STK24: variants seen among roughly 807,000 people sequenced by gnomAD.
The protein encoded by STK24 is serine/threonine-protein kinase 24.
A neutral mutation model predicts 55.6 loss-of-function variants in STK24; 21 were observed. That is an observed-to-expected ratio of 0.38 (90% CI 0.27 to 0.54). The LOEUF (loss-of-function observed/expected upper bound fraction) is 0.54. Among genes scored for constraint, STK24 ranks in the 20% least tolerant of loss-of-function variants. STK24 has a pLI of 0.79. For missense variants in STK24, 383 were observed against 538.4 expected (o/e 0.71, Z 2.86); for synonymous variants, 200 against 215.2 (o/e 0.93, Z 0.62).
intron 1 of STK24, among the ~76,000 whole-genome samples, chr13:98,560,250 C>T (rs1484538030): frequency 5.3e-5 from 8 of 152,214 alleles, no homozygotes; most frequent in African/African-American, 1.4e-4. Flanking sequence ...CGCTGCTCAA[C>T]GCTATGGCTC....
intron 1 of STK24, chr13:98,576,179 C>A (rs572905371): frequency 1.0e-6 from 1 of 985,372 alleles, no homozygotes; most frequent in Non-Finnish European, 1.2e-6. Context: ...CCGGGCAAAG[C>A]CACTGCAAGT....
rs1269582506 is a variant in STK24, at chr13:98,451,949, A to G, written c.*1224T>C. 1.3e-5 allele frequency: 2 copies of G among 151,818 alleles called. No individual in the cohort carries two copies. Among genetic ancestry groups the G allele is most frequent in the African/African-American group, 4.8e-5 (2 of 41,252 alleles). The allele number at this position is 151,818 out of a possible 1,614,324, so 9.4% of individuals were successfully genotyped here. ...GCTACAGCAATCGCACAGATCAGCAACCTCCAACTGCATCATCTCGGTGAG... is the reference window on the plus strand; with the variant it reads ...GCTACAGCAATCGCACAGATCAGCAGCCTCCAACTGCATCATCTCGGTGAG... On this transcript the variant is annotated 3_prime_UTR_variant, in exon 11 of 11. Transcript: ENST00000539966.
At chr13:98,495,317 C>T (rs965134645) in intron 2 of STK24, among the ~76,000 whole-genome samples, 4 of 152,134 alleles carry the variant, frequency 2.6e-5, no homozygotes, top group Non-Finnish European at 5.9e-5. Flanking sequence ...TTGTATCATG[C>T]CACATTGTAG....
rs751116507 is a variant in STK24 at position 98,446,824 on chromosome 13, A to G, written c.*6349T>C. 8 of 1,613,560 alleles carry G rather than the reference A, an allele frequency of 5.0e-6. No homozygotes were observed. Among genetic ancestry groups the G allele is most frequent in the Admixed American group, 3.3e-5 (2 of 59,966 alleles). On this transcript the variant is annotated 3_prime_UTR_variant, in exon 11 of 11. Coordinates refer to ENST00000539966, the MANE Select transcript of STK24 (RefSeq NM_001032296.4). ...GCGAGTACACGTTCGAAAGGTAGAC[A>G]CCCCCTTCCCACGCACAGGGCCCTG...
intron 3 of STK24, among the ~76,000 whole-genome samples, chr13:98,475,565 C>G (rs1396972814): frequency 6.7e-6 from 1 of 149,342 alleles, no homozygotes; most frequent in Non-Finnish European, 1.5e-5. Flanking sequence ...TGGCTTTGCT[C>G]AATGAAGCCA....
At chr13:98,478,392 C>T (rs573911915) in intron 3 of STK24, among the ~76,000 whole-genome samples, 1 of 152,374 alleles carries the variant, frequency 6.6e-6, no homozygotes, top group East Asian at 1.9e-4. Flanking sequence ...GGTCAGGTGA[C>T]TAAGACCTCG....
At chr13:98,482,965 T>C (rs560881562) in intron 2 of STK24, among the ~76,000 whole-genome samples, 1 of 152,348 alleles carries the variant, frequency 6.6e-6, no homozygotes, top group African/African-American at 2.4e-5. Flanking sequence ...CTGTGTCCTC[T>C]CAAGGCCCCG....
intron 1 of STK24, among the ~76,000 whole-genome samples, chr13:98,526,143 T>C (rs1363148511): frequency 6.6e-6 from 1 of 152,198 alleles, no homozygotes; most frequent in Non-Finnish European, 1.5e-5. Context: ...GGTCCGTCTT[T>C]GCTTTTTCTG....
At chr13:98,551,165 A>G (rs1456722234) in intron 1 of STK24, among the ~76,000 whole-genome samples, 2 of 151,982 alleles carry the variant, frequency 1.3e-5, no homozygotes, top group South Asian at 2.1e-4. Context: ...GGGCGCCTGT[A>G]GTCCCAGCTA....
rs773250947 is a variant in STK24 at position 98,463,753 on chromosome 13, G to C, written c.867C>G (p.Asp289Glu). The change falls in exon 7 of 11, where the codon GAC (aspartate) becomes GAG (glutamate). Residue 289 changes from aspartate to glutamate, a missense_variant. Asp to Glu is a conservative substitution (Grantham distance 45, BLOSUM62 2). Transcript: ENST00000539966. ...GCTCGGCCTTCCATCTCTTGTACCT[G>C]TCGATGAGCTCGGTCAAGTAGGAAG... is the stretch of plus-strand genomic sequence containing the variant. ...KKTSYLTELI[D>E]RYKRWKAEQS... 6.2e-7 allele frequency: 1 copy of C among 1,614,214 alleles called. No homozygotes were observed. The highest frequency in any genetic ancestry group is 1.1e-5 in the South Asian group (1 of 91,088).
chr13:98,446,910 C>A lies in STK24; in HGVS notation c.*6263G>T. ...CTCCCAAGTCAGCGAGTGAGATGGC[C>A]CCACCCTTCCCTGCCAACTAAGCGT... On this transcript the variant is annotated 3_prime_UTR_variant, in exon 11 of 11. Transcript: ENST00000539966. 1.5e-6 allele frequency: 2 copies of A among 1,336,380 alleles called. No individual in the cohort carries two copies. The highest frequency in any genetic ancestry group is 2.1e-6 in the Non-Finnish European group (2 of 949,852). The allele number at this position is 1,336,380 out of a possible 1,614,324, so 82.8% of individuals were successfully genotyped here.
intron 1 of STK24, among the ~76,000 whole-genome samples, chr13:98,537,422 A>AAC (rs1477801576): frequency 6.6e-5 from 10 of 152,224 alleles, no homozygotes; most frequent in Non-Finnish European, 1.3e-4. Flanking sequence ...GGGAGACCTC[A>AAC]ACCCCATCAG....
intron 1 of STK24, among the ~76,000 whole-genome samples, chr13:98,530,008 C>T (rs1278198330): frequency 2.6e-5 from 4 of 151,984 alleles, no homozygotes; most frequent in South Asian, 2.1e-4. Flanking sequence ...AGAAGGAAGC[C>T]GATGTTAGAC....
intron 1 of STK24, 124 bp downstream of exon 1, chr13:98,576,621 G>T (rs1298367944): frequency 5.4e-6 from 4 of 744,982 alleles, no homozygotes; most frequent in Non-Finnish European, 5.7e-6. Flanking sequence ...AGCCGGGCGC[G>T]CGGGGAGCCA....
Position 98,544,084 on chromosome 13 carries a change from C to T in STK24, c.43-24611G>A, listed in dbSNP as rs566400104. 3.3e-5 allele frequency among the ~76,000 whole-genome samples: 5 copies of T among 152,268 alleles called. No individual in the cohort carries two copies. The East Asian group carries it at 9.6e-4, about 29-fold the overall frequency. ...GTGCATTTACGTTAGGCTGCTGTGG[C>T]CCACGCTGAAGTTAATAAAGGAAGG... On this transcript the variant is annotated intron_variant, in intron 1 of 10. Coordinates refer to ENST00000539966, the MANE Select transcript of STK24 (RefSeq NM_001032296.4).
chr13:98,446,205 G>GGTAA lies in STK24; in HGVS notation c.*6964_*6967dup, dbSNP rs768648743. ...GCCTGTTCTTCTACAAATCACACCA[G>GGTAA]GTAAGTGTCTCGCACAGGGCAGGTG... On this transcript the variant is annotated 3_prime_UTR_variant, in exon 11 of 11. Transcript: ENST00000539966. 7.5e-6 allele frequency: 12 copies of GGTAA among 1,607,930 alleles called. No homozygotes were observed. In the African/African-American group the frequency reaches 8.0e-5, roughly 11 times the overall value.
chr13:98,474,264 T>C (rs1419706748), intron 5 of STK24, among the ~76,000 whole-genome samples: 2 of 152,136 alleles, frequency 1.3e-5, no homozygotes, highest in Non-Finnish European at 2.9e-5. Flanking sequence ...TCATCACATG[T>C]TGACAAGGAC....
intron 2 of STK24, among the ~76,000 whole-genome samples, chr13:98,517,189 A>C (rs1238093738): frequency 6.6e-6 from 1 of 152,270 alleles, no homozygotes; most frequent in African/African-American, 2.4e-5. Context: ...AATTCATATT[A>C]AAATACAACA....
chr13:98,525,791 T>C (rs943469857), intron 1 of STK24, among the ~76,000 whole-genome samples: 1 of 152,222 alleles, frequency 6.6e-6, no homozygotes, highest in African/African-American at 2.4e-5. Flanking sequence ...TAATAGTATC[T>C]ATCTCTGCAT....
Sources: gnomAD v4.1 joint callset for allele counts (sites outside exome capture counted in the v4.1 genomes callset) on GRCh38, gnomAD v4.1.1 for gene constraint, MANE v1.5 for transcripts, NCBI Gene and HGNC (gene_info 2026-07-23, HGNC 2026-07-21) for gene names.